Variants in BCL11A observed in about 807,000 individuals in gnomAD.
The protein encoded by BCL11A is BCL11 transcription factor A.
In BCL11A, 2 loss-of-function variants were observed where a neutral mutation model predicts 55.9. That is an observed-to-expected ratio of 0.04 (90% CI 0.01 to 0.11). BCL11A has a LOEUF of 0.11. Ranked by LOEUF, BCL11A falls within the 10% of genes least tolerant of loss-of-function variation. The pLI is 1.00. For synonymous variants in BCL11A, 465 were observed against 473.4 expected (o/e 0.98, Z 0.23); for missense variants, 817 against 1,137.1 (o/e 0.72, Z 4.05).
chr2:60,521,101 T>TCACAC (rs1668967594), intron 2 of BCL11A, among the ~76,000 whole-genome samples: 6 of 26,606 alleles, frequency 2.3e-4, no homozygotes, highest in African/African-American at 5.2e-4. Flanking sequence ...ACACACACAC[T>TCACAC]CACACACACA....
intron 1 of BCL11A, among the ~76,000 whole-genome samples, chr2:60,551,538 G>A (rs1670413809): frequency 6.6e-6 from 1 of 152,378 alleles, no homozygotes; most frequent in Admixed American, 6.5e-5. Flanking sequence ...GCGGTCCCGA[G>A]CTGTGGACAA....
At chr2:60,504,473 C>T (rs1437045579) in intron 2 of BCL11A, among the ~76,000 whole-genome samples, 2 of 152,192 alleles carry the variant, frequency 1.3e-5, no homozygotes, top group African/African-American at 4.8e-5. Context: ...AAAAGTCAAC[C>T]TCTGACTACT....
chr2:60,463,954 G>C (rs1676459135), intron 3 of BCL11A, among the ~76,000 whole-genome samples: 1 of 151,568 alleles, frequency 6.6e-6, no homozygotes, highest in Non-Finnish European at 1.5e-5. Context: ...GGGAGGTTAA[G>C]AGTGAGAATG....
intron 2 of BCL11A, chr2:60,528,161 C>T (rs1669290950): frequency 6.5e-6 from 1 of 152,780 alleles, no homozygotes; most frequent in South Asian, 2.1e-4. Flanking sequence ...CGCACACTCA[C>T]TCACACTCAG....
At chr2:60,513,329 G>C (rs1464914698) in intron 2 of BCL11A, among the ~76,000 whole-genome samples, 5 of 152,124 alleles carry the variant, frequency 3.3e-5, no homozygotes, top group Admixed American at 6.5e-5. Flanking sequence ...TTAGTCCCAG[G>C]AGTGGCACTA....
intron 2 of BCL11A, among the ~76,000 whole-genome samples, chr2:60,474,957 C>A (rs917841076): frequency 1.3e-5 from 2 of 152,062 alleles, no homozygotes; most frequent in African/African-American, 2.4e-5. Flanking sequence ...TATGGAAATT[C>A]AAAGGAAGAG....
intron 2 of BCL11A, among the ~76,000 whole-genome samples, chr2:60,514,651 G>C (rs1470653683): frequency 2.0e-5 from 3 of 150,818 alleles, no homozygotes; most frequent in Admixed American, 6.6e-5. Context: ...CTGGGCGACA[G>C]AGCGAGACTC....
At chr2:60,470,205 C>G (rs1677120001) in intron 2 of BCL11A, among the ~76,000 whole-genome samples, 1 of 152,098 alleles carries the variant, frequency 6.6e-6, no homozygotes, top group Admixed American at 6.5e-5. Context: ...CACCACCTAG[C>G]CTGAGAACAT....
intron 2 of BCL11A, among the ~76,000 whole-genome samples, chr2:60,509,728 T>C (rs1679877431): frequency 6.6e-6 from 1 of 152,122 alleles, no homozygotes; most frequent in Non-Finnish European, 1.5e-5. Flanking sequence ...ACTTAAATCA[T>C]CTCAGCTATA....
intron 2 of BCL11A, among the ~76,000 whole-genome samples, chr2:60,495,284 C>G (rs1678882391): frequency 6.6e-6 from 1 of 152,146 alleles, no homozygotes; most frequent in Non-Finnish European, 1.5e-5. Flanking sequence ...CAACTGTTAG[C>G]TTGCACTAGA....
At chr2:60,465,252 G>C (rs1398370280) in intron 3 of BCL11A, among the ~76,000 whole-genome samples, 3 of 152,188 alleles carry the variant, frequency 2.0e-5, no homozygotes, top group Non-Finnish European at 4.4e-5. Flanking sequence ...CATCTTTGAT[G>C]ATTTAGAAAG....
chr2:60,485,614 C>T (rs1029423832), intron 2 of BCL11A, among the ~76,000 whole-genome samples: 6 of 152,216 alleles, frequency 3.9e-5, no homozygotes, highest in Non-Finnish European at 8.8e-5. Flanking sequence ...TCCAACGTCA[C>T]GAAGCTGCTG....
At chr2:60,553,797 C>A (rs1423510006), upstream of BCL11A, 1 of 10,574 alleles carries the variant, frequency 9.5e-5, no homozygotes, top group African/African-American at 4.2e-4. Context: ...AGGTGCGGGG[C>A]GGGGGGCTCC....
In BCL11A at chr2:60,462,473, C is replaced by G. The variant is rs753956233; in HGVS notation, c.488-49G>C. Reference sequence around the variant, plus strand: ...ATCAATGTTTAATCACTGAGGCGGGCATCAGCAATTGCTTATTTATGTTCC... The same window carrying G: ...ATCAATGTTTAATCACTGAGGCGGGGATCAGCAATTGCTTATTTATGTTCC... On this transcript the variant is annotated intron_variant, in intron 3 of 3. Coordinates refer to ENST00000642384, the MANE Select transcript of BCL11A (RefSeq NM_022893.4). The G allele has an allele frequency of 4.5e-6, 7 of 1,554,482 alleles. No individual in the cohort carries two copies. In the African/African-American group the frequency reaches 9.6e-5, roughly 21 times the overall value.
chr2:60,457,332 A>G lies in BCL11A; in HGVS notation c.*3072T>C. On this transcript the variant is annotated 3_prime_UTR_variant, in exon 4 of 4. Coordinates refer to ENST00000642384, the MANE Select transcript of BCL11A (RefSeq NM_022893.4). ...CAAAGACCAGAAACAAATACAATAA[A>G]AAGCCAGGTTGTAATGACCTTTGGT... is the stretch of plus-strand genomic sequence containing the variant. 1 of 1,023,548 alleles carries G rather than the reference A, an allele frequency of 9.8e-7. No homozygotes were observed. Among genetic ancestry groups the G allele is most frequent in the Non-Finnish European group, 1.2e-6 (1 of 851,780 alleles). 63.4% of individuals were successfully genotyped at this position (1,023,548 alleles called of 1,614,324 possible).
intron 2 of BCL11A, among the ~76,000 whole-genome samples, chr2:60,513,244 A>G (rs1668566694): frequency 6.6e-6 from 1 of 152,054 alleles, no homozygotes; most frequent in South Asian, 2.1e-4. Context: ...CATCCCCATC[A>G]TGCCCCGGAC....
intron 2 of BCL11A, chr2:60,535,184 T>C (rs1177598320): frequency 6.6e-6 from 1 of 152,256 alleles, no homozygotes; most frequent in Non-Finnish European, 1.5e-5. Flanking sequence ...AATTTAGCCT[T>C]TGAAGATTAA....
At chr2:60,539,162 T>C (rs1205245300) in intron 2 of BCL11A, among the ~76,000 whole-genome samples, 1 of 152,266 alleles carries the variant, frequency 6.6e-6, no homozygotes, top group Non-Finnish European at 1.5e-5. Context: ...TAGCTGCATA[T>C]TAAGCTTGCT....
At chr2:60,547,640 C>A (rs946200063) in intron 1 of BCL11A, among the ~76,000 whole-genome samples, 1 of 152,100 alleles carries the variant, frequency 6.6e-6, no homozygotes, top group East Asian at 1.9e-4. Context: ...GCCAATTTTA[C>A]ATTTAATGAA....
Sources: allele counts gnomAD v4.1 joint callset (sites outside exome capture counted in the v4.1 genomes callset), GRCh38; gene constraint gnomAD v4.1.1; transcripts MANE v1.5; gene names NCBI Gene and HGNC (gene_info 2026-07-23, HGNC 2026-07-21).